Variants in EML4 observed in about 807,000 individuals in gnomAD.
The protein encoded by EML4 is echinoderm microtubule-associated protein-like 4.
EML4 carries 72 observed loss-of-function variants against 129.0 expected under a neutral mutation model. The observed-to-expected ratio is 0.56, with a 90% CI of 0.46 to 0.68. The LOEUF (loss-of-function observed/expected upper bound fraction) is 0.68. EML4 is among the 30% of genes least tolerant of loss of function. The pLI is 0.00. For synonymous variants in EML4, 532 were observed against 405.0 expected, an observed-to-expected ratio of 1.31 and a Z score of -3.77; for missense variants, 1,363 against 1,190.6, an observed-to-expected ratio of 1.14 and a Z score of -2.13.
Position 42,328,901 on chromosome 2 carries a change from G to A in EML4, c.2357G>A (p.Gly786Glu), listed in dbSNP as rs962247670. Residue 786 changes from glycine to glutamate, a missense_variant, in exon 22 of 23, where the codon GGA (glycine) becomes GAA (glutamate). Gly to Glu is a moderately conservative substitution (Grantham distance 98, BLOSUM62 -2). Transcript: ENST00000318522. ...CATATCAAAGGTGTCTGGCCAGAAG[G>A]ATCTGATGGGACAGATATCAATGCA... ...GFQVFGVWPE[G>E]SDGTDINALV... is the part of the protein sequence containing the mutation. 3 of 1,610,438 alleles carry A rather than the reference G, an allele frequency of 1.9e-6. No individual in the cohort carries two copies. The highest frequency in any genetic ancestry group is 2.5e-6 in the Non-Finnish European group (3 of 1,178,216).
chr2:42,216,021 G>A (rs1327245841), intron 1 of EML4, among the ~76,000 whole-genome samples: 1 of 151,244 alleles, frequency 6.6e-6, no homozygotes, highest in Non-Finnish European at 1.5e-5. Flanking sequence ...TCTGGTTGAA[G>A]CAATTCTGCT....
At chr2:42,191,299 C>G (rs1311480392) in intron 1 of EML4, among the ~76,000 whole-genome samples, 1 of 152,098 alleles carries the variant, frequency 6.6e-6, no homozygotes, top group Non-Finnish European at 1.5e-5. Flanking sequence ...CCATTTCTCT[C>G]TATATGTTGG....
intron 1 of EML4, among the ~76,000 whole-genome samples, chr2:42,194,945 T>C (rs1364921850): frequency 1.3e-5 from 2 of 152,342 alleles, no homozygotes; most frequent in African/African-American, 2.4e-5. Context: ...CTTACAAATA[T>C]GCTTATAAAT....
In EML4 at chr2:42,245,575, G is replaced by C. The variant is rs556190914; in HGVS notation, c.96G>C (p.Gln32His). The C allele has an allele frequency of 1.2e-6, 2 of 1,613,750 alleles. No individual in the cohort carries two copies. The highest frequency in any genetic ancestry group is 1.7e-5 in the Admixed American group (1 of 59,972). Residue 32 changes from glutamine to histidine, a missense_variant, in exon 2 of 23, where the codon CAG (glutamine) becomes CAC (histidine). Coordinates refer to ENST00000318522, the MANE Select transcript of EML4 (RefSeq NM_019063.5). Reference protein sequence around the residue: ...DRLSALESRVQQQEDEITVLK... With the variant: ...DRLSALESRVHQQEDEITVLK... ...TGTCAGCTCTTGAGTCACGAGTTCA[G>C]CAACAAGAAGATGAAATCACTGTGC...
intron 13 of EML4, among the ~76,000 whole-genome samples, chr2:42,299,937 C>T (rs749027218): frequency 1.3e-5 from 2 of 152,192 alleles, no homozygotes; most frequent in South Asian, 2.1e-4. Context: ...CCACCCACCT[C>T]GGCCTCCCAA....
chr2:42,245,839 A>G (rs1675369903), intron 2 of EML4, 152 bp downstream of exon 2: 1 of 688,814 alleles, frequency 1.5e-6, no homozygotes, highest in Non-Finnish European at 2.2e-6. Flanking sequence ...AAAAGTTCTG[A>G]AAGTTTATTC....
intron 19 of EML4, among the ~76,000 whole-genome samples, chr2:42,324,185 C>T (rs1285227403): frequency 3.3e-5 from 5 of 152,118 alleles, no homozygotes; most frequent in Admixed American, 6.5e-5. Context: ...TTCCCAGCTA[C>T]TCAGGAGGCT....
At chr2:42,195,272 ACAC>A (rs1490381828) in intron 1 of EML4, among the ~76,000 whole-genome samples, 1 of 152,216 alleles carries the variant, frequency 6.6e-6, no homozygotes, top group African/African-American at 2.4e-5. Context: ...CATATGCCTT[ACAC>A]GACTATTAAC....
At chr2:42,169,712 T>G in intron 1 of EML4, 76 bp downstream of exon 1, 2 of 1,510,208 alleles carry the variant, frequency 1.3e-6, no homozygotes, top group Non-Finnish European at 1.8e-6. Flanking sequence ...GCCCAGGCCC[T>G]GCCCTCCCGC....
At chr2:42,300,561 C>T (rs1028869345) in intron 13 of EML4, among the ~76,000 whole-genome samples, 1 of 152,150 alleles carries the variant, frequency 6.6e-6, no homozygotes, top group Non-Finnish European at 1.5e-5. Flanking sequence ...TGAAATTATT[C>T]TCTGCTAGTA....
chr2:42,265,995 T>C (rs1314071476), intron 6 of EML4, among the ~76,000 whole-genome samples: 1 of 152,264 alleles, frequency 6.6e-6, no homozygotes, highest in Non-Finnish European at 1.5e-5. Context: ...AAGCACGTCC[T>C]TTCTGTGCAT....
At chr2:42,264,357 A>G (rs997634736) in intron 5 of EML4, among the ~76,000 whole-genome samples, 3 of 152,136 alleles carry the variant, frequency 2.0e-5, no homozygotes, top group South Asian at 2.1e-4. Flanking sequence ...GGCTCAAACA[A>G]TTCACCTGCT....
intron 1 of EML4, among the ~76,000 whole-genome samples, chr2:42,211,620 G>A (rs921658188): frequency 3.3e-5 from 5 of 152,140 alleles, no homozygotes; most frequent in African/African-American, 1.2e-4. Context: ...ATAAAATGTC[G>A]TTAGAGAGGT....
chr2:42,260,991 T>C (rs1224864341), intron 3 of EML4, 130 bp from the exon 4 acceptor site: 1 of 650,052 alleles, frequency 1.5e-6, no homozygotes, highest in Admixed American at 2.6e-5. Flanking sequence ...CCTTATTGAA[T>C]GAAAACAGTG....
At chr2:42,290,260 C>T (rs1291502646) in intron 11 of EML4, among the ~76,000 whole-genome samples, 1 of 152,018 alleles carries the variant, frequency 6.6e-6, no homozygotes, top group Non-Finnish European at 1.5e-5. Flanking sequence ...CTGTCTTGAC[C>T]TTATTCTGTT....
At chr2:42,241,625 A>G (rs993513561) in intron 1 of EML4, among the ~76,000 whole-genome samples, 6 of 152,216 alleles carry the variant, frequency 3.9e-5, no homozygotes, top group African/African-American at 1.4e-4. Flanking sequence ...CTGAAACAAA[A>G]AACGGATTAA....
At chr2:42,248,401 T>C (rs1365541824) in intron 2 of EML4, among the ~76,000 whole-genome samples, 7 of 152,248 alleles carry the variant, frequency 4.6e-5, no homozygotes, top group Non-Finnish European at 2.9e-5. Context: ...ATATACACAG[T>C]ATTTTATATG....
chr2:42,219,297 G>T (rs563697123), intron 1 of EML4, among the ~76,000 whole-genome samples: 28 of 152,266 alleles, frequency 1.8e-4, no homozygotes, highest in African/African-American at 6.3e-4. Context: ...GTATTCCAGG[G>T]ATGCCAAACC....
chr2:42,251,593 A>G (rs1285140972), intron 2 of EML4, among the ~76,000 whole-genome samples: 1 of 152,250 alleles, frequency 6.6e-6, no homozygotes, highest in Admixed American at 6.5e-5. Flanking sequence ...TGTAGTCCTC[A>G]ATCTTCTCAA....
Sources: allele counts gnomAD v4.1 joint callset (sites outside exome capture counted in the v4.1 genomes callset), GRCh38; gene constraint gnomAD v4.1.1; transcripts MANE v1.5; gene names NCBI Gene and HGNC (gene_info 2026-07-23, HGNC 2026-07-21).